Variants in PICALM observed in about 807,000 individuals in gnomAD.
The protein encoded by PICALM is phosphatidylinositol binding clathrin assembly protein, also known as phosphatidylinositol-binding clathrin assembly protein.
In PICALM, 40 loss-of-function variants were observed where a neutral mutation model predicts 80.5. The ratio of observed to expected loss-of-function variants is 0.50; its 90% CI spans 0.39 to 0.65. The LOEUF is 0.65. Ranked by LOEUF, PICALM falls within the 30% of genes least tolerant of loss-of-function variation. The probability of loss-of-function intolerance (pLI) is 0.00; values close to 1 mark genes in which losing one functional copy is unlikely to be tolerated. For missense variants in PICALM, 676 were observed against 778.9 expected (o/e 0.87, Z 1.57); for synonymous variants, 288 against 260.3 (o/e 1.11, Z -1.02).
chr11:85,974,246 A>G (rs1010675188), intron 19 of PICALM, among the ~76,000 whole-genome samples: 1 of 152,198 alleles, frequency 6.6e-6, no homozygotes. Flanking sequence ...CCTCAGTGGC[A>G]GAAAGTTATC....
intron 8 of PICALM, chr11:86,003,672 A>G (rs1038215450): frequency 2.8e-6 from 1 of 358,626 alleles, no homozygotes; most frequent in Admixed American, 4.5e-5. Flanking sequence ...AAACGTTAAG[A>G]ACTGAAAACT....
intron 7 of PICALM, among the ~76,000 whole-genome samples, chr11:86,010,611 G>A (rs1348004827): frequency 5.3e-5 from 8 of 152,136 alleles, no homozygotes; most frequent in Admixed American, 2.6e-4. Context: ...TCTGAGCCAC[G>A]GTGCCCAGCC....
Position 85,996,888 on chromosome 11 carries a change from G to C in PICALM, c.1196C>G (p.Pro399Arg). ...AGGATGTACAGATGGGTGAAAAGTT[G>C]GCTGCTGCAAATCAAGCAGATCATT... is the stretch of plus-strand genomic sequence containing the variant. The part of the protein sequence containing the change: ...LPNDLLDLQQ[P>R]TFHPSVHPMS... The change falls in exon 12 of 20, where the codon CCA becomes CGA. Residue 399 changes from proline to arginine, a missense_variant. This residue lies in a region of PICALM where 391 missense variants were observed against 383.6 expected (regional missense o/e 1.02). Coordinates refer to ENST00000393346, the MANE Select transcript of PICALM (RefSeq NM_007166.4). The C allele has an allele frequency of 1.2e-6, 2 of 1,612,898 alleles. No homozygotes were observed. The highest frequency in any genetic ancestry group is 2.2e-5 in the South Asian group (2 of 90,932).
chr11:86,063,569 T>A (rs1487391817), intron 1 of PICALM, among the ~76,000 whole-genome samples: 1 of 152,158 alleles, frequency 6.6e-6, no homozygotes, highest in East Asian at 1.9e-4. Context: ...TAACTAGACA[T>A]ATCTGGGAGG....
chr11:86,041,669 A>G (rs2095972028), intron 1 of PICALM, among the ~76,000 whole-genome samples: 1 of 152,218 alleles, frequency 6.6e-6, no homozygotes, highest in Non-Finnish European at 1.5e-5. Context: ...GAACTGTTCA[A>G]ACTTTAATTT....
chr11:86,034,557 G>A (rs529944407), intron 1 of PICALM, among the ~76,000 whole-genome samples: 3 of 151,922 alleles, frequency 2.0e-5, no homozygotes, highest in Non-Finnish European at 4.4e-5. Flanking sequence ...CCAAAATGAG[G>A]ACAGATCTTA....
At chr11:85,962,911 C>G (rs1338617870) in intron 19 of PICALM, among the ~76,000 whole-genome samples, 1 of 152,166 alleles carries the variant, frequency 6.6e-6, no homozygotes, top group Non-Finnish European at 1.5e-5. Flanking sequence ...ACAGACACAC[C>G]ATGCACTGGT....
At chr11:85,989,065 T>C (rs529318082) in intron 13 of PICALM, among the ~76,000 whole-genome samples, 1 of 152,322 alleles carries the variant, frequency 6.6e-6, no homozygotes, top group Non-Finnish European at 1.5e-5. Context: ...ACAAGCTACC[T>C]ATTACACTGA....
At chr11:85,972,341 C>G (rs150548087) in intron 19 of PICALM, among the ~76,000 whole-genome samples, 358 of 152,212 alleles carry the variant, frequency 2.4e-3, no homozygotes, top group Non-Finnish European at 3.4e-3. Flanking sequence ...AGTAAGGGCT[C>G]AGTACCACTA....
chr11:85,960,966 C>G (rs2093668605), intron 19 of PICALM, among the ~76,000 whole-genome samples: 1 of 151,392 alleles, frequency 6.6e-6, no homozygotes, highest in African/African-American at 2.4e-5. Context: ...AAAAGGTATG[C>G]AATGGCATGT....
chr11:86,016,465 T>G (rs1283663930), intron 4 of PICALM, among the ~76,000 whole-genome samples: 1 of 152,206 alleles, frequency 6.6e-6, no homozygotes, highest in African/African-American at 2.4e-5. Flanking sequence ...CATTGATCCT[T>G]TCTCATTTTT....
chr11:86,066,089 A>G (rs927163372), intron 1 of PICALM, among the ~76,000 whole-genome samples: 2 of 152,238 alleles, frequency 1.3e-5, no homozygotes, highest in Non-Finnish European at 2.9e-5. Context: ...ACAAAAAATT[A>G]CTTGAAATGA....
chr11:86,069,126 T>A (rs2096487073), upstream of PICALM: 2 of 259,302 alleles, frequency 7.7e-6, no homozygotes, highest in East Asian at 1.2e-4. Flanking sequence ...CTGCCCCGGG[T>A]CACGTGACTC....
At chr11:85,983,227 C>T (rs773601826) in intron 14 of PICALM, among the ~76,000 whole-genome samples, 5 of 152,166 alleles carry the variant, frequency 3.3e-5, no homozygotes, top group East Asian at 1.9e-4. Flanking sequence ...AAAGGCCATC[C>T]GATGGTAAGA....
intron 1 of PICALM, among the ~76,000 whole-genome samples, chr11:86,046,798 C>A (rs956556465): frequency 2.6e-5 from 4 of 152,182 alleles, no homozygotes; most frequent in Non-Finnish European, 5.9e-5. Flanking sequence ...CCAGCACATG[C>A]AGCCAATTTT....
intron 12 of PICALM, among the ~76,000 whole-genome samples, chr11:85,995,438 C>T (rs1227719837): frequency 1.3e-5 from 2 of 152,110 alleles, no homozygotes; most frequent in African/African-American, 4.8e-5. Context: ...ATTGTTCTTC[C>T]ACAGTAATAG....
At chr11:86,067,665 GATGT>G (rs2096465619) in intron 1 of PICALM, among the ~76,000 whole-genome samples, 2 of 152,148 alleles carry the variant, frequency 1.3e-5, no homozygotes, top group South Asian at 4.1e-4. Flanking sequence ...TTTTTTAAGG[GATGT>G]ATGTTATTTG....
intron 1 of PICALM, among the ~76,000 whole-genome samples, chr11:86,059,058 AAACAGT>A (rs2096313986): frequency 6.6e-6 from 1 of 152,248 alleles, no homozygotes; most frequent in Non-Finnish European, 1.5e-5. Context: ...GAGTTCCATG[AAACAGT>A]AATTTGTTAT....
chr11:85,979,609 T>C (rs565740933), intron 17 of PICALM, among the ~76,000 whole-genome samples: 1 of 152,302 alleles, frequency 6.6e-6, no homozygotes, highest in South Asian at 2.1e-4. Context: ...TCAATATTAC[T>C]TTCCATTTAT....
Sources: allele counts gnomAD v4.1 joint callset (sites outside exome capture counted in the v4.1 genomes callset), GRCh38; gene constraint gnomAD v4.1.1; regional missense constraint gnomAD v4.1.1; transcripts MANE v1.5; gene names NCBI Gene and HGNC (gene_info 2026-07-23, HGNC 2026-07-21).